The following DAAM1 variants were observed in gnomAD, a reference collection of about 807,000 sequenced individuals.
The protein encoded by DAAM1 is disheveled-associated activator of morphogenesis 1.
DAAM1 carries 52 observed loss-of-function variants against 130.0 expected under a neutral mutation model. The ratio of observed to expected loss-of-function variants is 0.40; its 90% CI spans 0.32 to 0.50. The LOEUF is 0.50. Ranked by LOEUF, DAAM1 falls within the 20% of genes least tolerant of loss-of-function variation. The pLI is 0.61. For synonymous variants in DAAM1, 452 were observed against 444.5 expected (o/e 1.02, Z -0.21); for missense variants, 1,134 against 1,303.8 (o/e 0.87, Z 2.01).
chr14:59,217,765 G>A (rs1044309645), intron 1 of DAAM1, among the ~76,000 whole-genome samples: 2 of 152,072 alleles, frequency 1.3e-5, no homozygotes, highest in African/African-American at 4.8e-5. Flanking sequence ...AAGGTCAGGA[G>A]TTTGAGACCA....
chr14:59,270,662 G>T (rs1047170573), intron 2 of DAAM1, among the ~76,000 whole-genome samples: 3 of 152,112 alleles, frequency 2.0e-5, no homozygotes, highest in Non-Finnish European at 4.4e-5. Context: ...CACCTCCTCT[G>T]GCTACTTTAA....
chr14:59,368,603 G>GT, intron 24 of DAAM1, 47 bp from the exon 25 acceptor site: 5 of 1,571,150 alleles, frequency 3.2e-6, no homozygotes, highest in Non-Finnish European at 4.3e-6. Flanking sequence ...CAAACAAAAT[G>GT]CAACATTTTG....
At chr14:59,338,476 A>G in intron 15 of DAAM1, 1 of 1,573,278 alleles carries the variant, frequency 6.4e-7, no homozygotes, top group East Asian at 2.2e-5. Context: ...TAAGCTTGAA[A>G]TCTCTTCGTT....
chr14:59,265,473 T>C (rs967044096), intron 2 of DAAM1: 4 of 152,192 alleles, frequency 2.6e-5, no homozygotes, highest in African/African-American at 7.2e-5. Flanking sequence ...TAGAAGGAGA[T>C]CCATTATGAA....
chr14:59,342,026 T>C (rs1885869332), intron 16 of DAAM1, among the ~76,000 whole-genome samples: 1 of 152,210 alleles, frequency 6.6e-6, no homozygotes, highest in South Asian at 2.1e-4. Context: ...AAATTTCCCA[T>C]TCTGTTATTG....
At chr14:59,281,593 C>G (rs1883224474) in intron 2 of DAAM1, among the ~76,000 whole-genome samples, 2 of 151,746 alleles carry the variant, frequency 1.3e-5, no homozygotes, top group South Asian at 4.2e-4. Flanking sequence ...CATGAAGGGA[C>G]CTTTACCTGC....
At chr14:59,319,824 T>C (rs1884937469) in intron 4 of DAAM1, among the ~76,000 whole-genome samples, 1 of 152,092 alleles carries the variant, frequency 6.6e-6, no homozygotes, top group Admixed American at 6.5e-5. Flanking sequence ...ACCCCAGACA[T>C]ACCAAACCAG....
intron 16 of DAAM1, among the ~76,000 whole-genome samples, chr14:59,345,578 A>T (rs534589017): frequency 2.0e-5 from 3 of 152,280 alleles, no homozygotes; most frequent in Non-Finnish European, 4.4e-5. Context: ...ATCGGGTCCC[A>T]AATCTAGAGA....
intron 2 of DAAM1, among the ~76,000 whole-genome samples, chr14:59,288,084 A>G (rs906194522): frequency 6.6e-6 from 1 of 152,200 alleles, no homozygotes; most frequent in African/African-American, 2.4e-5. Flanking sequence ...ACATAAACCA[A>G]TGGAACAGCA....
intron 15 of DAAM1, among the ~76,000 whole-genome samples, chr14:59,333,333 C>T (rs777865179): frequency 4.6e-5 from 7 of 152,004 alleles, no homozygotes; most frequent in Non-Finnish European, 1.0e-4. Context: ...GCTATACACA[C>T]CAAATAAGGG....
chr14:59,192,152 GTGTGTGTGTGTGTGT>G (rs1887752214), intron 1 of DAAM1, among the ~76,000 whole-genome samples: 1 of 43,242 alleles, frequency 2.3e-5, no homozygotes, highest in Non-Finnish European at 5.3e-5. Flanking sequence ...GTTAAGGGGT[GTGTGTGTGTGTGTGT>G]GTGTGTGTGT....
chr14:59,257,646 G>A (rs890480344), intron 1 of DAAM1, among the ~76,000 whole-genome samples: 3 of 152,112 alleles, frequency 2.0e-5, no homozygotes, highest in African/African-American at 4.8e-5. Flanking sequence ...GATGTGGGCC[G>A]GAAAATAAAG....
At chr14:59,246,018 A>T (rs1205763296) in intron 1 of DAAM1, among the ~76,000 whole-genome samples, 1 of 152,212 alleles carries the variant, frequency 6.6e-6, no homozygotes, top group Non-Finnish European at 1.5e-5. Context: ...TAATTAATGG[A>T]CTTAAAGTGC....
Position 59,355,298 on chromosome 14 carries a change from AAAC to A in DAAM1, c.2493_2495del (p.Asn831del), listed in dbSNP as rs1886434036. 6.2e-7 allele frequency: 1 copy of A among 1,613,940 alleles called. No homozygotes were observed. Among genetic ancestry groups the A allele is most frequent in the Non-Finnish European group, 8.5e-7 (1 of 1,179,998 alleles). On this transcript the variant is annotated inframe_deletion, in exon 20 of 25. Transcript: ENST00000360909. The stretch of plus-strand genomic sequence containing the variant: ...CATATGGATTCAAGATATCTAGCCT[AAAC>A]AAAATTGCTGACACAAAATCCAGCA...
At chr14:59,246,884 C>T (rs940218341) in intron 1 of DAAM1, among the ~76,000 whole-genome samples, 1 of 152,034 alleles carries the variant, frequency 6.6e-6, no homozygotes, top group African/African-American at 2.4e-5. Flanking sequence ...GTCCTTTGCT[C>T]ATTTTTTAAT....
rs763776492 is a variant in DAAM1, at chr14:59,331,506, G to A, written c.1858G>A (p.Glu620Lys). ...ATCCTTCAACTGGTCTAAACTGCCC[G>A]AGGTGAGCCATTTGTTCCAGTTTTC... ...LKSFNWSKLP[E>K]NKLEGTVWTE... The change falls in exon 14 of 25, where the codon GAG becomes AAG. Residue 620 changes from glutamate to lysine, a missense_variant and splice_region_variant. Coordinates refer to ENST00000360909, the MANE Select transcript of DAAM1 (RefSeq NM_001270520.2). 1.9e-5 allele frequency: 30 copies of A among 1,581,556 alleles called. No homozygotes were observed. The highest frequency in any genetic ancestry group is 2.2e-5 in the Non-Finnish European group (26 of 1,161,758).
chr14:59,290,220 A>G (rs1019897239), intron 2 of DAAM1, among the ~76,000 whole-genome samples: 2 of 152,238 alleles, frequency 1.3e-5, no homozygotes, highest in Non-Finnish European at 2.9e-5. Context: ...TGATTCCATT[A>G]TGGTTATCCA....
Position 59,331,928 on chromosome 14 carries a change from C to T in DAAM1, c.1968+8C>T, listed in dbSNP as rs1885456846. 1 of 1,608,604 alleles carries T rather than the reference C, an allele frequency of 6.2e-7. No individual in the cohort carries two copies. The highest frequency in any genetic ancestry group is 1.1e-5 in the South Asian group (1 of 90,686). ...GCCTATCAAAGACAGCAGGTAACAGCATATGCCCTCCAGACACCAAAAAGG... is the reference window on the plus strand; with the variant it reads ...GCCTATCAAAGACAGCAGGTAACAGTATATGCCCTCCAGACACCAAAAAGG... On this transcript the variant is annotated splice_region_variant and intron_variant, in intron 15 of 24. Transcript: ENST00000360909.
rs1566515280 is a variant in DAAM1, at chr14:59,369,650, C to CAGAGT, written c.*793_*797dup. The stretch of plus-strand genomic sequence containing the variant: ...TGCTTTTTTTAAAGAACAACATTGC[C>CAGAGT]AGAGTATGCTTGTTCTAACAATATA... On this transcript the variant is annotated 3_prime_UTR_variant, in exon 25 of 25. Transcript: ENST00000360909. 6.7e-6 allele frequency: 1 copy of CAGAGT among 149,076 alleles called. No individual in the cohort carries two copies. The highest frequency in any genetic ancestry group is 2.5e-5 in the African/African-American group (1 of 40,264). The allele number at this position is 149,076 out of a possible 1,614,324, so 9.2% of individuals were successfully genotyped here. A position where few individuals can be genotyped will look rare whatever the true frequency, so the allele number is the denominator to read the frequency against.
Sources: allele counts gnomAD v4.1 joint callset (sites outside exome capture counted in the v4.1 genomes callset), GRCh38; gene constraint gnomAD v4.1.1; transcripts MANE v1.5; gene names NCBI Gene and HGNC (gene_info 2026-07-23, HGNC 2026-07-21).